Variants in PHACTR1 observed in about 807,000 individuals in gnomAD.
PHACTR1 encodes the protein RPEL repeat containing 1.
PHACTR1 carries 16 observed loss-of-function variants against 69.2 expected under a neutral mutation model. The observed-to-expected ratio is 0.23, with a 90% confidence interval of 0.16 to 0.35. The LOEUF (loss-of-function observed/expected upper bound fraction) is 0.35, where lower values mean the gene tolerates loss of function less well. PHACTR1 is among the 10% of genes least tolerant of loss of function. The probability of loss-of-function intolerance (pLI) is 1.00; values close to 1 mark genes in which losing one functional copy is unlikely to be tolerated. For synonymous variants in PHACTR1, 312 were observed against 284.5 expected, an observed-to-expected ratio of 1.10 and a Z score of -0.97; for missense variants, 510 against 734.7, an observed-to-expected ratio of 0.69 and a Z score of 3.54.
chr6:12,921,518 A>G (rs1231333465), intron 4 of PHACTR1, among the ~76,000 whole-genome samples: 3 of 109,264 alleles, frequency 2.7e-5, no homozygotes, highest in African/African-American at 1.1e-4. Flanking sequence ...GAAGGAAGGA[A>G]GGGGAGGGAG....
chr6:13,013,822 G>C (rs998392204), intron 4 of PHACTR1, among the ~76,000 whole-genome samples: 2 of 148,904 alleles, frequency 1.3e-5, no homozygotes, highest in African/African-American at 2.4e-5. Context: ...TGGCGAGGCC[G>C]AGGGGCGCGA....
At chr6:12,792,415 G>C (rs765024615) in intron 4 of PHACTR1, among the ~76,000 whole-genome samples, 3 of 129,588 alleles carry the variant, frequency 2.3e-5, no homozygotes, top group African/African-American at 5.6e-5. Flanking sequence ...AGTGAGCGGA[G>C]ATTGCGCCAT....
At chr6:13,120,531 T>C (rs1818548519) in intron 5 of PHACTR1, among the ~76,000 whole-genome samples, 1 of 152,144 alleles carries the variant, frequency 6.6e-6, no homozygotes, top group South Asian at 2.1e-4. Flanking sequence ...TAGGAGTGGT[T>C]TGGGATGGTA....
chr6:12,959,798 A>C (rs369012793), intron 4 of PHACTR1, among the ~76,000 whole-genome samples: 1 of 152,120 alleles, frequency 6.6e-6, no homozygotes, highest in South Asian at 2.1e-4. Flanking sequence ...ATTGCCTTCC[A>C]CTCTAATTCT....
At chr6:12,999,543 G>GAGCTGAGACGGCGCCACTGCACTCC (rs1172229882) in intron 4 of PHACTR1, among the ~76,000 whole-genome samples, 1 of 152,206 alleles carries the variant, frequency 6.6e-6, no homozygotes, top group Non-Finnish European at 1.5e-5. Context: ...AGGTTGCAGA[G>GAGCTGAGACGGCGCCACTGCACTCC]AGCTGAGACG....
intron 4 of PHACTR1, among the ~76,000 whole-genome samples, chr6:12,846,922 A>G (rs185235198): frequency 3.3e-5 from 5 of 151,898 alleles, no homozygotes; most frequent in Admixed American, 3.3e-4. Flanking sequence ...TTCCAACCTC[A>G]GCTTCCTGAG....
intron 5 of PHACTR1, among the ~76,000 whole-genome samples, chr6:13,102,825 C>G (rs1815390919): frequency 6.6e-6 from 1 of 152,164 alleles, no homozygotes; most frequent in African/African-American, 2.4e-5. Flanking sequence ...GTTGATGTTG[C>G]ATTATGTTAT....
At chr6:13,196,892 A>G (rs995857508) in intron 7 of PHACTR1, among the ~76,000 whole-genome samples, 12 of 152,066 alleles carry the variant, frequency 7.9e-5, no homozygotes, top group Non-Finnish European at 1.5e-4. Context: ...CTTTCCAATC[A>G]CCTCTGCTCT....
At chr6:13,276,374 C>T (rs1176835665) in intron 11 of PHACTR1, among the ~76,000 whole-genome samples, 4 of 152,224 alleles carry the variant, frequency 2.6e-5, no homozygotes, top group Non-Finnish European at 1.5e-5. Context: ...TGACCTTACA[C>T]CACTTGTGCT....
intron 4 of PHACTR1, among the ~76,000 whole-genome samples, chr6:12,978,236 C>T (rs1371225962): frequency 6.6e-6 from 1 of 152,194 alleles, no homozygotes; most frequent in African/African-American, 2.4e-5. Flanking sequence ...ATCTGAATCT[C>T]ATCATGTCAC....
At chr6:12,875,593 C>A (rs369982578) in intron 4 of PHACTR1, among the ~76,000 whole-genome samples, 2 of 152,080 alleles carry the variant, frequency 1.3e-5, no homozygotes, top group East Asian at 3.9e-4. Context: ...AAAAAGGTAC[C>A]CAGTCCAATT....
chr6:13,264,579 T>C lies in PHACTR1; in HGVS notation c.1392-8281T>C, dbSNP rs538788263. On this transcript the variant is annotated intron_variant, in intron 10 of 14. Transcript: ENST00000332995. ...TACTAAAAATACAAAAATTAGCTGGTGTGGTGGCATGTGCCTGTAATCCCA... is the reference window on the plus strand; with the variant it reads ...TACTAAAAATACAAAAATTAGCTGGCGTGGTGGCATGTGCCTGTAATCCCA... Among the ~76,000 whole-genome samples the C allele has an allele frequency of 2.6e-5, 4 of 152,068 alleles. No homozygotes were observed. The South Asian group carries it at 8.3e-4, about 32-fold the overall frequency.
chr6:13,202,096 G>T (rs141475600), intron 7 of PHACTR1, among the ~76,000 whole-genome samples: 1 of 152,326 alleles, frequency 6.6e-6, no homozygotes, highest in Non-Finnish European at 1.5e-5. Context: ...GCCTTTCCTG[G>T]AACAGTAAGA....
At chr6:12,895,140 A>G (rs114957198) in intron 4 of PHACTR1, among the ~76,000 whole-genome samples, 6 of 148,394 alleles carry the variant, frequency 4.0e-5, no homozygotes, top group Non-Finnish European at 7.5e-5. Flanking sequence ...TATTTAACTA[A>G]TCTACTCTTG....
At chr6:12,894,044 G>A (rs544671875) in intron 4 of PHACTR1, among the ~76,000 whole-genome samples, 1 of 152,240 alleles carries the variant, frequency 6.6e-6, no homozygotes, top group South Asian at 2.1e-4. Flanking sequence ...ATTTTTATTG[G>A]TCTCTTTACT....
intron 4 of PHACTR1, among the ~76,000 whole-genome samples, chr6:12,804,561 C>T (rs1774081365): frequency 1.3e-5 from 2 of 152,220 alleles, no homozygotes; most frequent in South Asian, 4.1e-4. Flanking sequence ...GGCCCAGTGG[C>T]TCACGCCTGT....
At chr6:12,963,606 T>C (rs1418796174) in intron 4 of PHACTR1, among the ~76,000 whole-genome samples, 1 of 152,148 alleles carries the variant, frequency 6.6e-6, no homozygotes, top group East Asian at 1.9e-4. Flanking sequence ...ATTTGTTCCC[T>C]GGGAGTTATG....
intron 8 of PHACTR1, among the ~76,000 whole-genome samples, chr6:13,222,028 C>G (rs1768741632): frequency 6.7e-6 from 1 of 150,198 alleles, no homozygotes; most frequent in Non-Finnish European, 1.5e-5. Flanking sequence ...GAGTGAGACT[C>G]CATCTCAAAA....
chr6:13,029,419 G>T (rs1432591607), intron 4 of PHACTR1, among the ~76,000 whole-genome samples: 2 of 152,190 alleles, frequency 1.3e-5, no homozygotes, highest in South Asian at 2.1e-4. Context: ...GGGCTGAGAT[G>T]ATGTGGGGCT....
Sources: allele counts gnomAD v4.1 joint callset (sites outside exome capture counted in the v4.1 genomes callset), GRCh38; gene constraint gnomAD v4.1.1; transcripts MANE v1.5; gene names NCBI Gene and HGNC (gene_info 2026-07-23, HGNC 2026-07-21).